CAMSAP1: variants seen among roughly 807,000 people sequenced by gnomAD.
CAMSAP1 encodes the protein calmodulin-regulated spectrin-associated protein 1.
CAMSAP1 carries 58 observed loss-of-function variants against 143.5 expected under a neutral mutation model. That is an observed-to-expected ratio of 0.40 (90% CI 0.33 to 0.50). The LOEUF (loss-of-function observed/expected upper bound fraction) is 0.50. Among genes scored for constraint, CAMSAP1 ranks in the 20% least tolerant of loss-of-function variants. CAMSAP1 has a pLI of 0.45. For missense variants in CAMSAP1, 1,969 were observed against 2,115.7 expected (o/e 0.93, Z 1.36); for synonymous variants, 945 against 859.3 (o/e 1.10, Z -1.74).
intron 5 of CAMSAP1, among the ~76,000 whole-genome samples, chr9:135,860,474 T>C (rs749685667): frequency 1.3e-5 from 2 of 151,622 alleles, no homozygotes; most frequent in African/African-American, 2.4e-5. Flanking sequence ...GGTGGACACC[T>C]GTAATCCCAG....
intron 5 of CAMSAP1, among the ~76,000 whole-genome samples, chr9:135,855,457 A>T (rs966507279): frequency 3.3e-5 from 5 of 152,074 alleles, no homozygotes; most frequent in African/African-American, 1.2e-4. Context: ...ATTTTACTTT[A>T]AGAAGCTGGC....
At chr9:135,866,021 T>C (rs1045738095) in intron 4 of CAMSAP1, among the ~76,000 whole-genome samples, 2 of 152,106 alleles carry the variant, frequency 1.3e-5, no homozygotes, top group African/African-American at 4.8e-5. Context: ...AGTAGGCACG[T>C]AGGGTTCATC....
Position 135,823,193 on chromosome 9 carries a change from C to T in CAMSAP1, c.1468G>A (p.Gly490Ser). The T allele has an allele frequency of 6.3e-7, 1 of 1,593,376 alleles. No individual in the cohort carries two copies. Among genetic ancestry groups the T allele is most frequent in the Non-Finnish European group, 8.6e-7 (1 of 1,167,850 alleles). The change falls in exon 11 of 17, where the codon GGC becomes AGC. Residue 490 changes from glycine to serine, a missense_variant. Around this residue, in one of 4 missense-constraint regions of CAMSAP1, gnomAD observed 1,390 missense variants for 1,420.8 expected, o/e 0.98. Transcript: ENST00000389532. ...AASCEVDPSS[G>S]DSISLARSIS... ...GAGCGGGCCAAGCTGATGCTGTCGCCAGAGCTGGGATCCACTTCACAACTC... is the reference window on the plus strand; with the variant it reads ...GAGCGGGCCAAGCTGATGCTGTCGCTAGAGCTGGGATCCACTTCACAACTC...
chr9:135,905,904 T>C (rs1358152322), intron 1 of CAMSAP1, among the ~76,000 whole-genome samples: 2 of 152,210 alleles, frequency 1.3e-5, no homozygotes, highest in Non-Finnish European at 2.9e-5. Context: ...TGTGAAGTCT[T>C]GGATGTAGCA....
chr9:135,824,937 C>T lies in CAMSAP1; in HGVS notation c.1224-57G>A. 6.0e-6 allele frequency: 8 copies of T among 1,342,244 alleles called. No individual in the cohort carries two copies. The highest frequency in any genetic ancestry group is 8.3e-6 in the Non-Finnish European group (8 of 963,328). The allele number at this position is 1,342,244 out of a possible 1,614,324, so 83.1% of individuals were successfully genotyped here. The stretch of plus-strand genomic sequence containing the variant: ...TTCCTTTATCAAACTTCAAGGTCAA[C>T]AGCAAATGCACAAGTGTACAGGACC... On this transcript the variant is annotated intron_variant, in intron 8 of 16. Coordinates refer to ENST00000389532, the MANE Select transcript of CAMSAP1 (RefSeq NM_015447.4). The surrounding 1 kb of genome is among the most constrained non-coding windows in gnomAD (Gnocchi z 4.1).
At chr9:135,903,689 C>G (rs1443726660) in intron 1 of CAMSAP1, among the ~76,000 whole-genome samples, 1 of 152,236 alleles carries the variant, frequency 6.6e-6, no homozygotes, top group Non-Finnish European at 1.5e-5. Flanking sequence ...AATGAACAAG[C>G]CTTTAACAAG....
chr9:135,835,389 G>C (rs1265259781), intron 7 of CAMSAP1, among the ~76,000 whole-genome samples: 1 of 152,160 alleles, frequency 6.6e-6, no homozygotes, highest in African/African-American at 2.4e-5. Context: ...GCAAGGGGAA[G>C]ACAGAGTTCC....
intron 10 of CAMSAP1, 77 bp downstream of exon 10, chr9:135,823,873 T>C: frequency 8.9e-7 from 1 of 1,123,568 alleles, no homozygotes. Context: ...CCTCAGGGGG[T>C]TGGGGTGACA....
intron 4 of CAMSAP1, 86 bp downstream of exon 4, chr9:135,866,370 G>C (rs1017801717): frequency 2.8e-6 from 2 of 722,634 alleles, no homozygotes; most frequent in African/African-American, 3.5e-5. Flanking sequence ...TAGAGAATAA[G>C]CAAATAGTGG....
At chr9:135,836,288 C>CGT (rs935192516) in intron 7 of CAMSAP1, 12 of 984,580 alleles carry the variant, frequency 1.2e-5, no homozygotes, top group African/African-American at 1.8e-5. Flanking sequence ...CACATCACCA[C>CGT]GTACCTTCTA....
chr9:135,874,980 A>G (rs920871749), intron 3 of CAMSAP1, among the ~76,000 whole-genome samples: 2 of 152,256 alleles, frequency 1.3e-5, no homozygotes, highest in African/African-American at 4.8e-5. Context: ...CTGAAAAACC[A>G]TAAAACATGG....
chr9:135,872,590 A>T (rs552206028), intron 3 of CAMSAP1, among the ~76,000 whole-genome samples: 2 of 152,362 alleles, frequency 1.3e-5, no homozygotes, highest in East Asian at 3.9e-4. Context: ...AAAAAGCAAG[A>T]GCAACTACAC....
At chr9:135,879,134 T>C (rs1040400801) in intron 3 of CAMSAP1, among the ~76,000 whole-genome samples, 6 of 152,018 alleles carry the variant, frequency 3.9e-5, no homozygotes, top group Admixed American at 6.6e-5. Context: ...ATCACTGTAA[T>C]TGCCATTTGT....
chr9:135,824,023 G>C lies in CAMSAP1; in HGVS notation c.1327C>G (p.Arg443Gly). 6.3e-7 allele frequency: 1 copy of C among 1,582,366 alleles called. No homozygotes were observed. The highest frequency in any genetic ancestry group is 8.6e-7 in the Non-Finnish European group (1 of 1,163,468). The change falls in exon 10 of 17, where the codon CGA (arginine) becomes GGA (glycine). Residue 443 changes from arginine (R) to glycine (G), a missense_variant. Arg to Gly is a moderately radical substitution (Grantham distance 125). Around this residue, in one of 4 missense-constraint regions of CAMSAP1, gnomAD observed 1,390 missense variants for 1,420.8 expected, o/e 0.98. Transcript: ENST00000389532. This position sits in a 1 kb window ranked among gnomAD's most constrained non-coding sequence, Gnocchi z 4.1. ...TCAACTCGGGTCAAAGAATTCGATC[G>C]ATGTCGCTGATCTGCAGTACAGAGG... ...QGEDIPDQRHRSNSLTRVDGQ... is the reference protein window; with the variant it reads ...QGEDIPDQRHGSNSLTRVDGQ...
At chr9:135,881,300 GTAA>G (rs1837939149) in intron 3 of CAMSAP1, among the ~76,000 whole-genome samples, 1 of 151,868 alleles carries the variant, frequency 6.6e-6, no homozygotes, top group Non-Finnish European at 1.5e-5. Flanking sequence ...CAAGGCTGCA[GTAA>G]GCCATGATCG....
intron 7 of CAMSAP1, among the ~76,000 whole-genome samples, chr9:135,848,317 G>A (rs114136053): frequency 0.014 from 2,065 of 152,088 alleles, 52 homozygotes; most frequent in African/African-American, 0.048. Flanking sequence ...GCTTTTTGTC[G>A]TTATTCTTTC....
intron 5 of CAMSAP1, among the ~76,000 whole-genome samples, chr9:135,854,191 C>T (rs1368221305): frequency 6.6e-6 from 1 of 152,180 alleles, no homozygotes; most frequent in Non-Finnish European, 1.5e-5. Flanking sequence ...TGTGTTGACT[C>T]CTGAGTCCGT....
At chr9:135,889,885 G>C (rs1292981215) in intron 1 of CAMSAP1, among the ~76,000 whole-genome samples, 2 of 152,136 alleles carry the variant, frequency 1.3e-5, no homozygotes, top group Non-Finnish European at 2.9e-5. Flanking sequence ...TCCTCTCCCC[G>C]TAAGCTCCCA....
rs555753583 is a variant in CAMSAP1, at chr9:135,811,976, G to A, written c.4507-365C>T. Among the ~76,000 whole-genome samples, 50 of 152,296 alleles carry A rather than the reference G, an allele frequency of 3.3e-4. No homozygotes were observed. Among genetic ancestry groups the A allele is most frequent in the Non-Finnish European group, 6.3e-4 (43 of 68,022 alleles). Reference sequence around the variant, plus strand: ...AAGCAGGGCGGTAACGAGTGCTGGCGAGCCATGGGGCTCTTTCACTGCCAG... The same window carrying A: ...AAGCAGGGCGGTAACGAGTGCTGGCAAGCCATGGGGCTCTTTCACTGCCAG... On this transcript the variant is annotated intron_variant, in intron 16 of 16. Coordinates refer to ENST00000389532, the MANE Select transcript of CAMSAP1 (RefSeq NM_015447.4). This position sits in a 1 kb window ranked among gnomAD's most constrained non-coding sequence, Gnocchi z 4.9.
Sources: gnomAD v4.1 joint callset for allele counts (sites outside exome capture counted in the v4.1 genomes callset) on GRCh38, gnomAD v4.1.1 for gene constraint, gnomAD v4.1.1 regional missense constraint, Gnocchi (gnomAD v3.1) non-coding constraint, MANE v1.5 for transcripts, NCBI Gene and HGNC (gene_info 2026-07-23, HGNC 2026-07-21) for gene names.